CABLES1: variants seen among roughly 807,000 people sequenced by gnomAD.
The protein encoded by CABLES1 is Cdk5 and Abl enzyme substrate 1.
CABLES1 carries 36 observed loss-of-function variants against 57.8 expected under a neutral mutation model. That is an observed-to-expected ratio of 0.62 (90% CI 0.48 to 0.82). CABLES1 has a LOEUF of 0.82. CABLES1 is among the 40% of genes least tolerant of loss of function. CABLES1 has a pLI of 0.00. For synonymous variants in CABLES1, 374 were observed against 363.0 expected, an observed-to-expected ratio of 1.03 and a Z score of -0.35; for missense variants, 767 against 836.6, an observed-to-expected ratio of 0.92 and a Z score of 1.03.
chr18:23,233,196 CA>C (rs974624672), intron 4 of CABLES1, among the ~76,000 whole-genome samples: 3 of 152,172 alleles, frequency 2.0e-5, no homozygotes, highest in Admixed American at 6.5e-5. Flanking sequence ...GTCCAGGTCA[CA>C]GCCCATGCCA....
rs936383395 is a variant in CABLES1, at chr18:23,135,851, AGCC to A, written c.98_100del (p.Pro33del). The A allele has an allele frequency of 9.1e-6, 9 of 990,578 alleles. No individual in the cohort carries two copies. The highest frequency in any genetic ancestry group is 2.1e-4 in the East Asian group (2 of 9,560). The allele number at this position is 990,578 out of a possible 1,614,324, so 61.4% of individuals were successfully genotyped here. The stretch of plus-strand genomic sequence containing the variant: ...GCCGCGGGCGCCAGCGGATTGCAGC[AGCC>A]GCCGCCGCAGCCCCAGCCTCAGCCC... On this transcript the variant is annotated inframe_deletion, in exon 1 of 10. Transcript: ENST00000256925.
intron 1 of CABLES1, among the ~76,000 whole-genome samples, chr18:23,157,664 T>G (rs1315286249): frequency 2.7e-5 from 2 of 74,228 alleles, no homozygotes; most frequent in South Asian, 5.7e-4. Context: ...AAAAGAAATA[T>G]TATTATCTCT....
chr18:23,220,588 G>A (rs770548063), intron 4 of CABLES1, among the ~76,000 whole-genome samples: 7 of 152,244 alleles, frequency 4.6e-5, no homozygotes, highest in Middle Eastern at 3.4e-3. Flanking sequence ...CGCGCCTTTG[G>A]GGCTGGGTGT....
intron 1 of CABLES1, among the ~76,000 whole-genome samples, chr18:23,158,456 G>A (rs1033349589): frequency 6.6e-6 from 1 of 152,216 alleles, no homozygotes; most frequent in Non-Finnish European, 1.5e-5. Flanking sequence ...CTTGGGAAAT[G>A]CATGTTGAGG....
intron 4 of CABLES1, 135 bp from the exon 5 acceptor site, chr18:23,234,473 A>G (rs1233984844): frequency 1.5e-6 from 1 of 677,850 alleles, no homozygotes; most frequent in Non-Finnish European, 2.6e-6. Context: ...AAGAGGGACA[A>G]CGGGCTGTCC....
At chr18:23,217,375 A>G (rs1259893515) in intron 4 of CABLES1, among the ~76,000 whole-genome samples, 2 of 152,152 alleles carry the variant, frequency 1.3e-5, no homozygotes, top group Non-Finnish European at 2.9e-5. Flanking sequence ...AAGCCACTGT[A>G]CCCAGCTAGA....
At chr18:23,243,172 G>T (rs572706514) in intron 7 of CABLES1, among the ~76,000 whole-genome samples, 1 of 152,106 alleles carries the variant, frequency 6.6e-6, no homozygotes, top group East Asian at 1.9e-4. Flanking sequence ...GATTTGTTGG[G>T]AAGCTAATGC....
chr18:23,189,421 CT>C, intron 2 of CABLES1: 1 of 161,360 alleles, frequency 6.2e-6, no homozygotes, highest in Non-Finnish European at 1.4e-5. Context: ...TGCAAGGCGT[CT>C]TTTTGGGTGA....
intron 8 of CABLES1, 46 bp from the exon 9 acceptor site, chr18:23,253,678 TGAAAC>T (rs1259612238): frequency 6.6e-7 from 1 of 1,512,318 alleles, no homozygotes; most frequent in Non-Finnish European, 9.1e-7. Context: ...TTCTGTCCAC[TGAAAC>T]TCTAAGTTTT....
intron 4 of CABLES1, among the ~76,000 whole-genome samples, chr18:23,225,213 C>G (rs1278021599): frequency 6.6e-6 from 1 of 152,222 alleles, no homozygotes; most frequent in Non-Finnish European, 1.5e-5. Context: ...TTGAACTTAG[C>G]AGTTCCCAGT....
At chr18:23,208,915 T>C (rs867314448) in intron 3 of CABLES1, among the ~76,000 whole-genome samples, 2 of 152,322 alleles carry the variant, frequency 1.3e-5, no homozygotes, top group South Asian at 2.1e-4. Context: ...AATGGCCTTC[T>C]TCCCTTCGTG....
At chr18:23,188,732 T>C in intron 1 of CABLES1, 106 bp from the exon 2 acceptor site, 1 of 812,292 alleles carries the variant, frequency 1.2e-6, no homozygotes, top group South Asian at 1.4e-5. Context: ...GATCTTTTCT[T>C]AACGGACTTC....
intron 9 of CABLES1, among the ~76,000 whole-genome samples, chr18:23,255,863 G>A (rs1265811085): frequency 6.6e-6 from 1 of 151,992 alleles, no homozygotes; most frequent in Non-Finnish European, 1.5e-5. Context: ...ACCCGGCCAA[G>A]AATTAATGAA....
At chr18:23,155,910 C>T (rs2046962108) in intron 1 of CABLES1, 3 of 1,613,998 alleles carry the variant, frequency 1.9e-6, no homozygotes, top group African/African-American at 2.7e-5. Flanking sequence ...TGAATGCTTT[C>T]TAAGAGGGGC....
intron 4 of CABLES1, among the ~76,000 whole-genome samples, chr18:23,224,919 G>A (rs1012607774): frequency 6.6e-6 from 1 of 151,950 alleles, no homozygotes; most frequent in African/African-American, 2.4e-5. Context: ...CCAGGCTGGA[G>A]TGCAGTAGTG....
At chr18:23,211,927 A>G (rs566253691) in intron 3 of CABLES1, among the ~76,000 whole-genome samples, 4 of 152,358 alleles carry the variant, frequency 2.6e-5, no homozygotes, top group Admixed American at 2.6e-4. Context: ...TGTGCTCATG[A>G]TTCATGTAAC....
intron 1 of CABLES1, among the ~76,000 whole-genome samples, chr18:23,181,720 A>G (rs1403586133): frequency 1.3e-5 from 2 of 152,136 alleles, no homozygotes; most frequent in African/African-American, 4.8e-5. Flanking sequence ...CTGTGACAGC[A>G]TGGCCCCTCC....
Position 23,136,289 on chromosome 18 carries a change from C to T in CABLES1, c.527C>T (p.Ser176Leu), listed in dbSNP as rs2046820093. ...FASPLGAGRASGEQWQPPRPA... is the reference protein window; with the variant it reads ...FASPLGAGRALGEQWQPPRPA... ...AGTCCCCTGGGCGCCGGCCGGGCGT[C>T]GGGGGAGCAGTGGCAGCCGCCCCGG... The change falls in exon 1 of 10, where the codon TCG becomes TTG. Residue 176 changes from serine (S) to leucine (L), a missense_variant. Ser to Leu is a moderately radical substitution (Grantham distance 145). Around this residue, in one of 4 missense-constraint regions of CABLES1, gnomAD observed 529 missense variants for 622.8 expected, o/e 0.85. Coordinates refer to ENST00000256925, the MANE Select transcript of CABLES1 (RefSeq NM_001100619.3). The T allele has an allele frequency of 2.9e-6, 4 of 1,373,934 alleles. No homozygotes were observed. Among genetic ancestry groups the T allele is most frequent in the Non-Finnish European group, 3.7e-6 (4 of 1,069,838 alleles). The allele number at this position is 1,373,934 out of a possible 1,614,324, so 85.1% of individuals were successfully genotyped here.
chr18:23,141,725 A>G (rs2046859104), intron 1 of CABLES1, among the ~76,000 whole-genome samples: 1 of 152,210 alleles, frequency 6.6e-6, no homozygotes, highest in Admixed American at 6.5e-5. Flanking sequence ...AAGCCTGCTC[A>G]CTGCTGGCAA....
Sources: gnomAD v4.1 joint callset for allele counts (sites outside exome capture counted in the v4.1 genomes callset) on GRCh38, gnomAD v4.1.1 for gene constraint, gnomAD v4.1.1 regional missense constraint, MANE v1.5 for transcripts, NCBI Gene and HGNC (gene_info 2026-07-23, HGNC 2026-07-21) for gene names.